The following GLT8D2 variants were observed in gnomAD, a reference collection of about 807,000 sequenced individuals.
The protein encoded by GLT8D2 is glycosyltransferase 8 domain-containing protein 2.
Under a neutral mutation model 44.5 loss-of-function variants are expected in GLT8D2, and 45 were observed. The ratio of observed to expected loss-of-function variants is 1.01; its 90% CI spans 0.80 to 1.30. The LOEUF (loss-of-function observed/expected upper bound fraction) is 1.30. Ranked by LOEUF, GLT8D2 falls within the 50% of genes most tolerant of loss-of-function variation. The pLI, the probability that GLT8D2 is intolerant of heterozygous loss-of-function variation, is 0.00. For synonymous variants in GLT8D2, 156 were observed against 157.2 expected (o/e 0.99, Z 0.06); for missense variants, 400 against 430.4 (o/e 0.93, Z 0.62).
At chr12:104,046,013 G>A (rs1377564691) in intron 1 of GLT8D2, among the ~76,000 whole-genome samples, 1 of 151,948 alleles carries the variant, frequency 6.6e-6, no homozygotes, top group Admixed American at 6.6e-5. Flanking sequence ...CATGGTTATA[G>A]TATGGTAGGG....
chr12:104,046,803 C>T (rs1245765571), intron 1 of GLT8D2, among the ~76,000 whole-genome samples: 2 of 152,062 alleles, frequency 1.3e-5, no homozygotes, highest in Non-Finnish European at 2.9e-5. Flanking sequence ...TCAAGATTCA[C>T]CAAGATACAT....
At chr12:104,052,902 T>TTGAATG, upstream of GLT8D2, among the ~76,000 whole-genome samples, 1 of 152,280 alleles carries the variant, frequency 6.6e-6, no homozygotes, top group Admixed American at 6.5e-5. Context: ...AAGTTGTACC[T>TTGAATG]TATTTTAAAG....
intron 1 of GLT8D2, among the ~76,000 whole-genome samples, chr12:104,062,928 C>T (rs1287412313): frequency 6.6e-6 from 1 of 152,216 alleles, no homozygotes; most frequent in Non-Finnish European, 1.5e-5. Flanking sequence ...GCTCTGCCTC[C>T]TGTCAGATCA....
At chr12:104,048,756 A>G (rs1881425180) in intron 1 of GLT8D2, among the ~76,000 whole-genome samples, 1 of 152,360 alleles carries the variant, frequency 6.6e-6, no homozygotes, top group African/African-American at 2.4e-5. Flanking sequence ...ATGCATGATC[A>G]CTTTTGTCAC....
chr12:104,021,192 G>A (rs948140264), intron 2 of GLT8D2, among the ~76,000 whole-genome samples, 165 bp downstream of exon 2: 7 of 152,320 alleles, frequency 4.6e-5, no homozygotes, highest in African/African-American at 1.2e-4. Context: ...CAGGGAGAAA[G>A]CTATCTGTTA....
At chr12:104,055,551 G>A (rs1882112395) in intron 1 of GLT8D2, among the ~76,000 whole-genome samples, 1 of 152,172 alleles carries the variant, frequency 6.6e-6, no homozygotes, top group Admixed American at 6.5e-5. Context: ...ATGCCTGAGT[G>A]CAACCCCATG....
At position 103,993,991 on chromosome 12, in the gene GLT8D2, T is replaced by C. The variant is rs552509166; in HGVS notation, c.767+344A>G. 26 of 166,722 alleles carry C rather than the reference T, an allele frequency of 1.6e-4. 1 individual carries two copies. The Middle Eastern group carries it at 8.3e-3, about 53-fold the overall frequency. 10.3% of individuals were successfully genotyped at this position (166,722 alleles called of 1,614,324 possible). A position where few individuals can be genotyped will look rare whatever the true frequency, so the allele number is the denominator to read the frequency against. On this transcript the variant is annotated intron_variant, in intron 9 of 10. Coordinates refer to ENST00000360814, the MANE Select transcript of GLT8D2 (RefSeq NM_001384711.1). ...ACCTTAAAAAGCAAAATTGACTTTA[T>C]ATAATAATCCTTAATAAAAAAATCT... is the stretch of plus-strand genomic sequence containing the variant.
In GLT8D2 at chr12:103,993,518, T is replaced by C; in HGVS notation, c.768-14A>G. On this transcript the variant is annotated splice_polypyrimidine_tract_variant and intron_variant, in intron 9 of 10. Coordinates refer to ENST00000360814, the MANE Select transcript of GLT8D2 (RefSeq NM_001384711.1). ...TAGAGGTTTTCCCTAAGAAATGAAA[T>C]AGAAAAACAACATTTGGCCTGGAGC... The C allele has an allele frequency of 6.5e-7, 1 of 1,532,798 alleles. No individual in the cohort carries two copies. 94.9% of individuals were successfully genotyped at this position (1,532,798 alleles called of 1,614,324 possible).
At chr12:104,026,215 G>A (rs980446733) in intron 1 of GLT8D2, among the ~76,000 whole-genome samples, 1 of 150,042 alleles carries the variant, frequency 6.7e-6, no homozygotes, top group Non-Finnish European at 1.5e-5. Flanking sequence ...CGAGAAGGGG[G>A]TTGCAGTGAG....
chr12:104,012,187 A>ATATAT (rs1555278404), intron 4 of GLT8D2, among the ~76,000 whole-genome samples: 448 of 84,272 alleles, frequency 5.3e-3, no homozygotes, highest in South Asian at 9.4e-3. Flanking sequence ...AAAAAAAAAA[A>ATATAT]AAATATATAT....
intron 1 of GLT8D2, among the ~76,000 whole-genome samples, chr12:104,046,489 C>A (rs914081941): frequency 2.0e-5 from 3 of 152,330 alleles, no homozygotes; most frequent in African/African-American, 2.4e-5. Flanking sequence ...AGTTCACATT[C>A]TTAACCACCT....
intron 2 of GLT8D2, 55 bp from the exon 3 acceptor site, chr12:104,019,731 C>T (rs1181429452): frequency 5.9e-6 from 7 of 1,190,982 alleles, no homozygotes; most frequent in Non-Finnish European, 2.5e-6. Context: ...TAAAACTCAT[C>T]AACAAGTGTT....
chr12:104,061,240 G>T (rs1181105371), intron 1 of GLT8D2, among the ~76,000 whole-genome samples: 1 of 152,196 alleles, frequency 6.6e-6, no homozygotes, highest in African/African-American at 2.4e-5. Context: ...TAAGCCACCA[G>T]TTATAGCTTG....
intron 1 of GLT8D2, among the ~76,000 whole-genome samples, chr12:104,061,193 T>C (rs1307149403): frequency 2.6e-5 from 4 of 152,234 alleles, no homozygotes; most frequent in East Asian, 1.9e-4. Context: ...CCTAGGAAAC[T>C]AGTACACATT....
At chr12:104,016,193 T>C (rs1436996997) in intron 3 of GLT8D2, among the ~76,000 whole-genome samples, 3 of 152,232 alleles carry the variant, frequency 2.0e-5, no homozygotes, top group Admixed American at 2.0e-4. Context: ...TTTTTCCCCA[T>C]TTAGTATGAT....
intron 1 of GLT8D2, among the ~76,000 whole-genome samples, chr12:104,057,420 C>T (rs1156376796): frequency 1.3e-5 from 2 of 151,930 alleles, no homozygotes; most frequent in Non-Finnish European, 2.9e-5. Flanking sequence ...ACTCAGAAGG[C>T]TGAGGTGGGA....
At chr12:104,047,104 C>T (rs1881233260) in intron 1 of GLT8D2, among the ~76,000 whole-genome samples, 1 of 152,164 alleles carries the variant, frequency 6.6e-6, no homozygotes, top group Non-Finnish European at 1.5e-5. Flanking sequence ...GCTGTGATTA[C>T]AGGCATGAGC....
At chr12:104,016,882 G>GAAAGAAAGAAAGAA (rs557603937) in intron 3 of GLT8D2, among the ~76,000 whole-genome samples, 7 of 140,356 alleles carry the variant, frequency 5.0e-5, no homozygotes, top group South Asian at 2.2e-4. Flanking sequence ...AAGAAAGAAA[G>GAAAGAAAGAAAGAA]AAAAATAAAG....
intron 5 of GLT8D2, among the ~76,000 whole-genome samples, chr12:104,000,935 T>G (rs1874131094): frequency 6.6e-6 from 1 of 152,232 alleles, no homozygotes. Flanking sequence ...AAAAGCAGTA[T>G]GCAAATATAT....
Sources: gnomAD v4.1 joint callset for allele counts (sites outside exome capture counted in the v4.1 genomes callset) on GRCh38, gnomAD v4.1.1 for gene constraint, MANE v1.5 for transcripts, NCBI Gene and HGNC (gene_info 2026-07-23, HGNC 2026-07-21) for gene names.